The following TC2N variants were observed in gnomAD, a reference collection of about 807,000 sequenced individuals.
The protein encoded by TC2N is tandem C2 domains nuclear protein.
TC2N carries 51 observed loss-of-function variants against 61.9 expected under a neutral mutation model. That is an observed-to-expected ratio of 0.82 (90% CI 0.66 to 1.04). The LOEUF (loss-of-function observed/expected upper bound fraction) is 1.04, where lower values mean the gene tolerates loss of function less well. Ranked by LOEUF, TC2N falls within the 50% of genes least tolerant of loss-of-function variation. The probability of loss-of-function intolerance (pLI) is 0.00; values close to 1 mark genes in which losing one functional copy is unlikely to be tolerated. For missense variants in TC2N, 556 were observed against 566.7 expected, an observed-to-expected ratio of 0.98 and a Z score of 0.19; for synonymous variants, 204 against 192.6, an observed-to-expected ratio of 1.06 and a Z score of -0.49.
chr14:91,807,625 A>T (rs868658823), intron 3 of TC2N, among the ~76,000 whole-genome samples: 1 of 152,176 alleles, frequency 6.6e-6, no homozygotes, highest in Non-Finnish European at 1.5e-5. Context: ...TCCAATGTCT[A>T]TACTCCTATT....
At chr14:91,795,828 GC>G (rs1885869449) in intron 8 of TC2N, among the ~76,000 whole-genome samples, 1 of 152,014 alleles carries the variant, frequency 6.6e-6, no homozygotes, top group Non-Finnish European at 1.5e-5. Flanking sequence ...TGTCTGTACA[GC>G]CAGAACTGTC....
chr14:91,847,122 G>C (rs1006343453), intron 1 of TC2N, among the ~76,000 whole-genome samples: 3 of 152,180 alleles, frequency 2.0e-5, no homozygotes, highest in East Asian at 1.9e-4. Flanking sequence ...GCCAGGCGTT[G>C]TGGTGGGCGC....
chr14:91,840,125 A>G (rs372860588), intron 1 of TC2N, among the ~76,000 whole-genome samples: 1 of 152,246 alleles, frequency 6.6e-6, no homozygotes, highest in Admixed American at 6.5e-5. Context: ...CAATACGACA[A>G]GATGGGAGAA....
intron 10 of TC2N, among the ~76,000 whole-genome samples, chr14:91,786,829 G>A (rs1350509214): frequency 1.3e-5 from 2 of 152,048 alleles, no homozygotes; most frequent in African/African-American, 4.8e-5. Flanking sequence ...TATTGATTAT[G>A]CCTTTTGTGG....
At chr14:91,804,032 A>T (rs2139848946) in intron 3 of TC2N, among the ~76,000 whole-genome samples, 1 of 152,312 alleles carries the variant, frequency 6.6e-6, no homozygotes, top group African/African-American at 2.4e-5. Context: ...AATAAGAAAA[A>T]GACAGACGAG....
chr14:91,822,144 T>C (rs561275186), intron 1 of TC2N, among the ~76,000 whole-genome samples: 180 of 152,350 alleles, frequency 1.2e-3, no homozygotes, highest in African/African-American at 4.2e-3. Context: ...ATGCCATTAC[T>C]ACATATTTAC....
intron 3 of TC2N, 127 bp from the exon 4 acceptor site, chr14:91,802,548 A>C (rs766419928): frequency 1.3e-6 from 1 of 769,872 alleles, no homozygotes; most frequent in Non-Finnish European, 2.1e-6. Context: ...TGTCTTTGAT[A>C]GCTAAAAAGA....
intron 3 of TC2N, 102 bp downstream of exon 3, chr14:91,812,206 AAAAT>A (rs1387519930): frequency 3.5e-6 from 2 of 573,292 alleles, no homozygotes; most frequent in Non-Finnish European, 5.3e-6. Flanking sequence ...TATAAAAAGT[AAAAT>A]AAAAAAATTT....
At chr14:91,829,281 C>A (rs987419113) in intron 1 of TC2N, among the ~76,000 whole-genome samples, 1 of 151,912 alleles carries the variant, frequency 6.6e-6, no homozygotes, top group Non-Finnish European at 1.5e-5. Flanking sequence ...TCTTTCTTTT[C>A]TTGCAGAAAT....
intron 1 of TC2N, among the ~76,000 whole-genome samples, chr14:91,829,134 G>A (rs1043292265): frequency 6.6e-6 from 1 of 151,494 alleles, no homozygotes; most frequent in African/African-American, 2.4e-5. Flanking sequence ...TCATTTCACT[G>A]TGATGTTTCT....
chr14:91,822,508 T>A lies in TC2N; in HGVS notation c.-56-8683A>T, dbSNP rs567723486. Among the ~76,000 whole-genome samples the A allele has an allele frequency of 2.6e-5, 4 of 152,280 alleles. No individual in the cohort carries two copies. The South Asian group carries it at 6.2e-4, about 24-fold the overall frequency. On this transcript the variant is annotated intron_variant, in intron 1 of 11. Transcript: ENST00000435962. ...AATTTGGCTTTTCTAGCTATCTTAT[T>A]AATACTGATTTGTAGCTGAACTCCA...
chr14:91,816,125 A>G (rs1159195427), intron 1 of TC2N, among the ~76,000 whole-genome samples: 1 of 151,786 alleles, frequency 6.6e-6, no homozygotes, highest in Non-Finnish European at 1.5e-5. Context: ...CTCAGTATAT[A>G]TCTGTAAGAT....
chr14:91,828,682 C>G (rs1458105839), intron 1 of TC2N, among the ~76,000 whole-genome samples: 3 of 151,950 alleles, frequency 2.0e-5, no homozygotes, highest in African/African-American at 7.2e-5. Flanking sequence ...GGTCTCTTAC[C>G]CAATAGAGTT....
At chr14:91,803,082 C>T (rs1049657485) in intron 3 of TC2N, among the ~76,000 whole-genome samples, 7 of 151,842 alleles carry the variant, frequency 4.6e-5, no homozygotes, top group South Asian at 4.2e-4. Context: ...AAATAGACAC[C>T]CGTTTCATGA....
intron 4 of TC2N, among the ~76,000 whole-genome samples, chr14:91,801,337 T>C (rs1489365586): frequency 3.9e-5 from 6 of 152,166 alleles, no homozygotes; most frequent in African/African-American, 1.4e-4. Context: ...TTTATGAATA[T>C]ACAGGTGACA....
chr14:91,862,080 G>A (rs2139927546), intron 1 of TC2N, among the ~76,000 whole-genome samples: 1 of 152,082 alleles, frequency 6.6e-6, no homozygotes, highest in Admixed American at 6.5e-5. Flanking sequence ...GCTCACACCT[G>A]TAATCCCAGC....
At chr14:91,821,262 A>G (rs1887240123) in intron 1 of TC2N, among the ~76,000 whole-genome samples, 1 of 152,100 alleles carries the variant, frequency 6.6e-6, no homozygotes, top group Non-Finnish European at 1.5e-5. Flanking sequence ...ATATTAGTAT[A>G]AGGACAGATA....
chr14:91,832,839 T>C (rs1887841380), intron 1 of TC2N, among the ~76,000 whole-genome samples: 8 of 152,056 alleles, frequency 5.3e-5, no homozygotes, highest in Admixed American at 5.2e-4. Context: ...ATCCTAAATA[T>C]CCATCCGCAG....
intron 1 of TC2N, among the ~76,000 whole-genome samples, chr14:91,834,755 AC>A (rs1887932237): frequency 6.6e-6 from 1 of 152,124 alleles, no homozygotes; most frequent in Non-Finnish European, 1.5e-5. Flanking sequence ...CTTCTATGAG[AC>A]CACTGCCCCC....
Sources: gnomAD v4.1 joint callset for allele counts (sites outside exome capture counted in the v4.1 genomes callset) on GRCh38, gnomAD v4.1.1 for gene constraint, MANE v1.5 for transcripts, NCBI Gene and HGNC (gene_info 2026-07-23, HGNC 2026-07-21) for gene names.